ASZ1: variants seen among roughly 807,000 people sequenced by gnomAD.
ASZ1 encodes the protein ankyrin repeat, SAM and basic leucine zipper domain-containing protein 1.
In ASZ1, 67 loss-of-function variants were observed where a neutral mutation model predicts 61.8. The observed-to-expected ratio is 1.08, with a 90% CI of 0.89 to 1.33. The LOEUF is 1.33. Among genes scored for constraint, ASZ1 ranks in the 40% most tolerant of loss-of-function variants. The pLI, the probability that ASZ1 is intolerant of heterozygous loss-of-function variation, is 0.00. For synonymous variants in ASZ1, 193 were observed against 192.7 expected, an observed-to-expected ratio of 1.00 and a Z score of -0.01; for missense variants, 577 against 554.5, an observed-to-expected ratio of 1.04 and a Z score of -0.41.
intron 4 of ASZ1, among the ~76,000 whole-genome samples, chr7:117,398,298 T>C (rs1170106644): frequency 2.6e-5 from 4 of 152,160 alleles, no homozygotes; most frequent in Non-Finnish European, 5.9e-5. Flanking sequence ...CATAACACTA[T>C]CACAATTATA....
chr7:117,394,520 T>C (rs1796541744), intron 4 of ASZ1, among the ~76,000 whole-genome samples: 1 of 152,224 alleles, frequency 6.6e-6, no homozygotes, highest in African/African-American at 2.4e-5. Context: ...AAAATGTATA[T>C]ATATTTATCT....
chr7:117,427,107 G>C (rs146410361), intron 1 of ASZ1, among the ~76,000 whole-genome samples, 172 bp from the exon 2 acceptor site: 34 of 152,238 alleles, frequency 2.2e-4, no homozygotes, highest in Admixed American at 5.2e-4. Context: ...AAGGGAATAG[G>C]TAATGATGGA....
At chr7:117,412,039 A>AGTGTGTAT (rs561983723) in intron 4 of ASZ1, among the ~76,000 whole-genome samples, 3,603 of 128,396 alleles carry the variant, frequency 0.028, 110 homozygotes, top group East Asian at 0.12. Flanking sequence ...AGTGAAAAGA[A>AGTGTGTAT]GTGTGTGTGT....
At position 117,382,966 on chromosome 7, in the gene ASZ1, A is replaced by C; in HGVS notation, c.812+20T>G. On this transcript the variant is annotated intron_variant, in intron 7 of 12. Coordinates refer to ENST00000284629, the MANE Select transcript of ASZ1 (RefSeq NM_130768.3). The stretch of plus-strand genomic sequence containing the variant: ...ATTTTACTTATAGGTATTCTGTTGA[A>C]CTAAAACATGCTATATTACCTAAAA... The C allele has an allele frequency of 6.5e-7, 1 of 1,534,114 alleles. No individual in the cohort carries two copies. The highest frequency in any genetic ancestry group is 8.7e-7 in the Non-Finnish European group (1 of 1,143,096).
chr7:117,381,102 T>A, intron 8 of ASZ1, 35 bp from the exon 9 acceptor site: 1 of 1,493,034 alleles, frequency 6.7e-7, no homozygotes, highest in Non-Finnish European at 9.1e-7. Context: ...CCTTTCCATA[T>A]AATTAAAATA....
chr7:117,367,667 T>G, intron 11 of ASZ1: 1 of 1,039,810 alleles, frequency 9.6e-7, no homozygotes, highest in Non-Finnish European at 1.2e-6. Context: ...ATTTCCTGAA[T>G]ATATGTATAT....
intron 12 of ASZ1, among the ~76,000 whole-genome samples, chr7:117,366,138 C>T (rs915511158): frequency 9.2e-5 from 14 of 152,198 alleles, no homozygotes; most frequent in Admixed American, 7.8e-4. Context: ...GTGGTGCATG[C>T]CTGTAGTCCC....
chr7:117,407,946 C>A (rs2116513651), intron 4 of ASZ1, among the ~76,000 whole-genome samples: 1 of 152,198 alleles, frequency 6.6e-6, no homozygotes, highest in East Asian at 1.9e-4. Flanking sequence ...ATACACTGAA[C>A]AAAGAGATAA....
intron 4 of ASZ1, among the ~76,000 whole-genome samples, chr7:117,400,423 T>C (rs755980794): frequency 6.6e-6 from 1 of 152,184 alleles, no homozygotes. Flanking sequence ...ATTTGGTGAA[T>C]TGAGTTTTAT....
At chr7:117,426,444 G>A (rs1217824133) in intron 2 of ASZ1, among the ~76,000 whole-genome samples, 15 of 133,450 alleles carry the variant, frequency 1.1e-4, no homozygotes, top group Admixed American at 2.6e-4. Flanking sequence ...AGCCAAGATC[G>A]CGCCACTGCA....
At chr7:117,378,264 G>C (rs1796174039) in intron 10 of ASZ1, among the ~76,000 whole-genome samples, 1 of 152,002 alleles carries the variant, frequency 6.6e-6, no homozygotes, top group African/African-American at 2.4e-5. Context: ...AAAAATTACA[G>C]AGTTGGGAAA....
Position 117,385,697 on chromosome 7 carries a change from C to T in ASZ1, c.552+1G>A. ...AGAAACATTGTAAAAATGTTTCTCACAGTGTAACCATTCTCATCCTGGGTA... is the reference window on the plus strand; with the variant it reads ...AGAAACATTGTAAAAATGTTTCTCATAGTGTAACCATTCTCATCCTGGGTA... On this transcript the variant is annotated splice_donor_variant, in intron 5 of 12. Transcript: ENST00000284629. LOFTEE classifies it high-confidence loss of function. 2.5e-6 allele frequency: 4 copies of T among 1,587,272 alleles called. No homozygotes were observed. Among genetic ancestry groups the T allele is most frequent in the Non-Finnish European group, 3.5e-6 (4 of 1,156,894 alleles).
intron 10 of ASZ1, among the ~76,000 whole-genome samples, chr7:117,368,973 AAGG>A (rs1237201104): frequency 1.3e-5 from 2 of 152,192 alleles, no homozygotes; most frequent in Non-Finnish European, 2.9e-5. Context: ...GGAACACATG[AAGG>A]AGGAAGACAA....
At chr7:117,401,412 G>T (rs1796678684) in intron 4 of ASZ1, among the ~76,000 whole-genome samples, 1 of 148,514 alleles carries the variant, frequency 6.7e-6, no homozygotes, top group Non-Finnish European at 1.5e-5. Flanking sequence ...AAGACCAACA[G>T]AAAATATTAA....
At chr7:117,426,488 C>CAAAAAAAAAAAAAAA (rs10625452) in intron 2 of ASZ1, among the ~76,000 whole-genome samples, 1 of 34,018 alleles carries the variant, frequency 2.9e-5, no homozygotes, top group African/African-American at 1.3e-4. Flanking sequence ...GATAACATCT[C>CAAAAAAAAAAAAAAA]AAAAAAAAAA....
At chr7:117,399,406 C>T (rs1394143767) in intron 4 of ASZ1, among the ~76,000 whole-genome samples, 1 of 152,210 alleles carries the variant, frequency 6.6e-6, no homozygotes, top group Non-Finnish European at 1.5e-5. Flanking sequence ...CTTTCTACTA[C>T]CTCTAATCTT....
rs1283263786 is a variant in ASZ1 at position 117,385,884 on chromosome 7, C to A, written c.441-75G>T. ...TCTCATTTTCATTAATTTAACCATA[C>A]ACAATACCACCAGTACTGCTTTGAA... On this transcript the variant is annotated intron_variant, in intron 4 of 12. Coordinates refer to ENST00000284629, the MANE Select transcript of ASZ1 (RefSeq NM_130768.3). 4 of 1,190,250 alleles carry A rather than the reference C, an allele frequency of 3.4e-6. No individual in the cohort carries two copies. The Admixed American group carries it at 5.6e-5, about 17-fold the overall frequency. 73.7% of individuals were successfully genotyped at this position (1,190,250 alleles called of 1,614,324 possible). A position where few individuals can be genotyped will look rare whatever the true frequency, so the allele number is the denominator to read the frequency against.
intron 4 of ASZ1, among the ~76,000 whole-genome samples, chr7:117,396,519 C>T (rs1796577891): frequency 6.6e-6 from 1 of 152,136 alleles, no homozygotes; most frequent in Non-Finnish European, 1.5e-5. Flanking sequence ...ATCTTTCTGG[C>T]ATCTATTATA....
chr7:117,384,668 C>A, intron 6 of ASZ1, 58 bp downstream of exon 6: 1 of 1,515,542 alleles, frequency 6.6e-7, no homozygotes, highest in South Asian at 1.2e-5. Flanking sequence ...TACAAAAGTT[C>A]TACAAATGAT....
Sources: allele counts gnomAD v4.1 joint callset (sites outside exome capture counted in the v4.1 genomes callset), GRCh38; gene constraint gnomAD v4.1.1; transcripts MANE v1.5; gene names NCBI Gene and HGNC (gene_info 2026-07-23, HGNC 2026-07-21).